Variants in PTPRR observed in about 807,000 individuals in gnomAD.
PTPRR encodes receptor-type tyrosine-protein phosphatase R.
PTPRR carries 38 observed loss-of-function variants against 77.2 expected under a neutral mutation model. The ratio of observed to expected loss-of-function variants is 0.49; its 90% CI spans 0.38 to 0.65. PTPRR has a LOEUF of 0.65. Among genes scored for constraint, PTPRR ranks in the 30% least tolerant of loss-of-function variants. The pLI, the probability that PTPRR is intolerant of heterozygous loss-of-function variation, is 0.00. For missense variants in PTPRR, 744 were observed against 799.2 expected (o/e 0.93, Z 0.83); for synonymous variants, 299 against 283.1 (o/e 1.06, Z -0.57).
At chr12:70,833,865 G>A (rs1174704613) in intron 2 of PTPRR, among the ~76,000 whole-genome samples, 1 of 152,108 alleles carries the variant, frequency 6.6e-6, no homozygotes, top group Non-Finnish European at 1.5e-5. Context: ...TCCCTCCCAT[G>A]CAATTCTTCT....
At chr12:70,781,343 G>T (rs567392663) in intron 2 of PTPRR, among the ~76,000 whole-genome samples, 19 of 152,214 alleles carry the variant, frequency 1.2e-4, no homozygotes, top group Non-Finnish European at 1.9e-4. Context: ...GAGTAGAGAG[G>T]TTCCAAAAGA....
At chr12:70,691,795 A>G (rs902130524) in intron 8 of PTPRR, among the ~76,000 whole-genome samples, 2 of 152,012 alleles carry the variant, frequency 1.3e-5, no homozygotes, top group Non-Finnish European at 2.9e-5. Context: ...CTCTGTTTGC[A>G]TGGCTGTCTT....
intron 13 of PTPRR, among the ~76,000 whole-genome samples, chr12:70,655,714 T>C (rs968006443): frequency 1.3e-5 from 2 of 152,030 alleles, no homozygotes; most frequent in African/African-American, 4.8e-5. Flanking sequence ...AGACAGAAAA[T>C]AGAATGGCAG....
chr12:70,654,961 C>A (rs1261794790), intron 13 of PTPRR, among the ~76,000 whole-genome samples: 1 of 152,170 alleles, frequency 6.6e-6, no homozygotes, highest in Non-Finnish European at 1.5e-5. Context: ...ACTCTTGTTC[C>A]ACTGTAGTAC....
chr12:70,723,590 C>T (rs1217088997), intron 6 of PTPRR, among the ~76,000 whole-genome samples: 13 of 152,042 alleles, frequency 8.6e-5, no homozygotes, highest in Non-Finnish European at 2.9e-5. Context: ...TTTATAAGGA[C>T]AGTCTCAAGT....
At chr12:70,826,228 A>G (rs1288601203) in intron 2 of PTPRR, among the ~76,000 whole-genome samples, 1 of 152,082 alleles carries the variant, frequency 6.6e-6, no homozygotes, top group Non-Finnish European at 1.5e-5. Context: ...TTTTGTTAAC[A>G]CCTTTCCTCC....
intron 8 of PTPRR, among the ~76,000 whole-genome samples, chr12:70,690,799 T>C (rs11178367): frequency 0.12 from 18,499 of 152,196 alleles, 1,274 homozygotes; most frequent in African/African-American, 0.19. Flanking sequence ...GAAAGACTCT[T>C]TGTGGACTAA....
intron 2 of PTPRR, among the ~76,000 whole-genome samples, chr12:70,783,870 GGGGGGC>G (rs1275657471): frequency 0.065 from 5,670 of 87,338 alleles, 236 homozygotes; most frequent in Middle Eastern, 0.095. Flanking sequence ...GGACGGGGGG[GGGGGGC>G]GGGGGGCGGG....
chr12:70,701,019 C>T (rs950318192), intron 7 of PTPRR, 118 bp downstream of exon 7: 3 of 1,022,312 alleles, frequency 2.9e-6, no homozygotes, highest in Non-Finnish European at 4.3e-6. Context: ...AACCATTTCA[C>T]TTTGCCATTT....
rs149884697 is a variant in PTPRR, at chr12:70,734,290, G to A, written c.1007+11528C>T. ...TAATTAATCACATGTAGAGGAATCA[G>A]AGAATTTGAATCTCAAAAAATTGTA... On this transcript the variant is annotated intron_variant, in intron 6 of 13. Transcript: ENST00000283228. 7.9e-4 allele frequency among the ~76,000 whole-genome samples: 120 copies of A among 152,328 alleles called. 1 individual carries two copies. Among genetic ancestry groups the A allele is most frequent in the Non-Finnish European group, 1.6e-3 (107 of 68,030 alleles).
At chr12:70,664,605 G>C (rs777022232) in intron 10 of PTPRR, 4 of 152,296 alleles carry the variant, frequency 2.6e-5, no homozygotes, top group East Asian at 3.9e-4. Flanking sequence ...GGAGCTTGCC[G>C]CCTGCACCCT....
intron 2 of PTPRR, among the ~76,000 whole-genome samples, chr12:70,871,189 G>A (rs1464577525): frequency 6.6e-6 from 1 of 152,162 alleles, no homozygotes; most frequent in Admixed American, 6.6e-5. Flanking sequence ...ACTCTCTGTG[G>A]GCTAACTTTA....
chr12:70,861,951 A>C (rs552337355), intron 2 of PTPRR, among the ~76,000 whole-genome samples: 14 of 152,244 alleles, frequency 9.2e-5, no homozygotes, highest in African/African-American at 3.4e-4. Flanking sequence ...TGCTCTTTTA[A>C]GGAAGAATTT....
intron 6 of PTPRR, among the ~76,000 whole-genome samples, chr12:70,733,448 AAG>A (rs1565672274): frequency 2.2e-5 from 2 of 92,270 alleles, no homozygotes; most frequent in Non-Finnish European, 2.2e-5. Flanking sequence ...AAAAAAAAGA[AAG>A]AAAAAAAGAA....
chr12:70,884,728 C>T (rs1189992999), intron 2 of PTPRR, among the ~76,000 whole-genome samples: 1 of 150,562 alleles, frequency 6.6e-6, no homozygotes, highest in Non-Finnish European at 1.5e-5. Context: ...AAAAATTACC[C>T]GGGCGTAGTG....
chr12:70,790,400 T>G (rs1891401845), intron 2 of PTPRR, among the ~76,000 whole-genome samples: 1 of 152,148 alleles, frequency 6.6e-6, no homozygotes, highest in African/African-American at 2.4e-5. Context: ...CTGCCTAGGC[T>G]TCCAGGGTGC....
intron 4 of PTPRR, among the ~76,000 whole-genome samples, chr12:70,759,023 T>G (rs916556774): frequency 8.6e-5 from 13 of 152,030 alleles, no homozygotes; most frequent in African/African-American, 2.9e-4. Flanking sequence ...CAACCGTAAA[T>G]TCCTGGGCTC....
intron 1 of PTPRR, among the ~76,000 whole-genome samples, chr12:70,904,454 A>C (rs563056853): frequency 6.6e-6 from 1 of 152,062 alleles, no homozygotes; most frequent in African/African-American, 2.4e-5. Flanking sequence ...AGTCTCAAAA[A>C]GTCACTGTAT....
chr12:70,829,041 A>T (rs2137048533), intron 2 of PTPRR, among the ~76,000 whole-genome samples: 1 of 152,254 alleles, frequency 6.6e-6, no homozygotes, highest in African/African-American at 2.4e-5. Context: ...TAGTCCACAG[A>T]GACTGTGGAC....
Sources: allele counts gnomAD v4.1 joint callset (sites outside exome capture counted in the v4.1 genomes callset), GRCh38; gene constraint gnomAD v4.1.1; transcripts MANE v1.5; gene names NCBI Gene and HGNC (gene_info 2026-07-23, HGNC 2026-07-21).